AP3B1: variants seen among roughly 807,000 people sequenced by gnomAD.
AP3B1 encodes the protein adaptor related protein complex 3 subunit beta 1.
In AP3B1, 61 loss-of-function variants were observed where a neutral mutation model predicts 132.5. The observed-to-expected ratio is 0.46, with a 90% CI of 0.37 to 0.57. The LOEUF (loss-of-function observed/expected upper bound fraction) is 0.57. Among genes scored for constraint, AP3B1 ranks in the 20% least tolerant of loss-of-function variants. The pLI, the probability that AP3B1 is intolerant of heterozygous loss-of-function variation, is 0.00. For missense variants in AP3B1, 1,120 were observed against 1,289.4 expected, an observed-to-expected ratio of 0.87 and a Z score of 2.01; for synonymous variants, 388 against 438.3, an observed-to-expected ratio of 0.89 and a Z score of 1.43.
At chr5:78,213,802 A>G (rs1279963400) in intron 7 of AP3B1, among the ~76,000 whole-genome samples, 1 of 152,248 alleles carries the variant, frequency 6.6e-6, no homozygotes, top group Non-Finnish European at 1.5e-5. Context: ...TTAAAAAACA[A>G]CAACAACAAT....
At chr5:78,046,716 A>T (rs190295888) in intron 22 of AP3B1, among the ~76,000 whole-genome samples, 10,606 of 143,798 alleles carry the variant, frequency 0.074, 1,036 homozygotes, top group African/African-American at 0.23. Flanking sequence ...TTTTTTTTTT[A>T]AAATACTTTA....
chr5:78,127,396 G>A (rs974856138), intron 17 of AP3B1, among the ~76,000 whole-genome samples: 1 of 151,974 alleles, frequency 6.6e-6, no homozygotes, highest in Admixed American at 6.6e-5. Flanking sequence ...GTATATATGA[G>A]AAAGAAACAG....
intron 1 of AP3B1, among the ~76,000 whole-genome samples, chr5:78,270,834 T>G (rs1748516874): frequency 6.6e-6 from 1 of 152,222 alleles, no homozygotes; most frequent in Non-Finnish European, 1.5e-5. Flanking sequence ...CCATGACCAC[T>G]ACTCTTTCAT....
chr5:78,193,240 A>C (rs1744915108), intron 7 of AP3B1, among the ~76,000 whole-genome samples: 1 of 152,204 alleles, frequency 6.6e-6, no homozygotes, highest in Admixed American at 6.5e-5. Context: ...TGTTAGAGAT[A>C]ATAGCCTAGA....
chr5:78,237,518 T>C (rs1021673204), intron 3 of AP3B1, among the ~76,000 whole-genome samples: 2 of 147,846 alleles, frequency 1.4e-5, no homozygotes, highest in Admixed American at 6.8e-5. Flanking sequence ...TTTTTAAAAG[T>C]AGGTTTAGGC....
At chr5:78,017,839 C>G (rs550578982) in intron 25 of AP3B1, among the ~76,000 whole-genome samples, 2 of 151,970 alleles carry the variant, frequency 1.3e-5, no homozygotes, top group African/African-American at 4.8e-5. Context: ...TAATTTGTGG[C>G]TTTATTAGAA....
At chr5:78,261,114 T>G (rs922768673) in intron 2 of AP3B1, among the ~76,000 whole-genome samples, 3 of 152,232 alleles carry the variant, frequency 2.0e-5, no homozygotes, top group Non-Finnish European at 4.4e-5. Flanking sequence ...TCAACTGTTG[T>G]CTGTATATAC....
rs552018598 is a variant in AP3B1, at chr5:78,273,434, C to T, written c.129-5839G>A. On this transcript the variant is annotated intron_variant, in intron 1 of 26. Transcript: ENST00000255194. ...GAAAAAAAGAGCTCCTCATTCACAC[C>T]AGCTTTTTCCCTCAGTACATTTCCC... is the stretch of plus-strand genomic sequence containing the variant. 2.0e-5 allele frequency among the ~76,000 whole-genome samples: 3 copies of T among 152,170 alleles called. No homozygotes were observed. In the South Asian group the frequency reaches 6.2e-4, roughly 32 times the overall value.
chr5:78,099,275 G>A (rs752501028), intron 21 of AP3B1, among the ~76,000 whole-genome samples: 12 of 152,186 alleles, frequency 7.9e-5, no homozygotes, highest in Non-Finnish European at 1.8e-4. Context: ...CCAGCTCAAA[G>A]GGACTAGGAC....
chr5:78,197,179 G>T (rs1745107551), intron 7 of AP3B1, among the ~76,000 whole-genome samples: 1 of 151,818 alleles, frequency 6.6e-6, no homozygotes, highest in African/African-American at 2.4e-5. Flanking sequence ...AAAAAATAAA[G>T]CTTATTTTTA....
At chr5:78,020,567 G>A (rs1046241075) in intron 25 of AP3B1, 125 bp downstream of exon 25, 1 of 735,544 alleles carries the variant, frequency 1.4e-6, no homozygotes, top group Non-Finnish European at 2.3e-6. Context: ...AACAAAAATT[G>A]GAAGATTGTG....
At chr5:78,093,198 T>G (rs1046682653) in intron 21 of AP3B1, among the ~76,000 whole-genome samples, 3 of 152,204 alleles carry the variant, frequency 2.0e-5, no homozygotes, top group Admixed American at 6.5e-5. Context: ...ACGTAGGTTT[T>G]GTTTTGTTTT....
At chr5:78,113,116 C>G (rs1751667761) in intron 19 of AP3B1, among the ~76,000 whole-genome samples, 1 of 152,226 alleles carries the variant, frequency 6.6e-6, no homozygotes, top group Non-Finnish European at 1.5e-5. Flanking sequence ...GCAAGCTCAT[C>G]AAGTGAGCGG....
intron 5 of AP3B1, among the ~76,000 whole-genome samples, chr5:78,227,047 C>G (rs542856355): frequency 2.0e-5 from 3 of 152,048 alleles, no homozygotes; most frequent in Non-Finnish European, 4.4e-5. Context: ...TCTCAATTTT[C>G]TAATAATACA....
intron 21 of AP3B1, among the ~76,000 whole-genome samples, chr5:78,094,850 T>C (rs986320493): frequency 6.6e-6 from 1 of 152,040 alleles, no homozygotes; most frequent in Admixed American, 6.6e-5. Flanking sequence ...CTGGCTAATT[T>C]TTCTATTTTT....
chr5:78,023,522 C>T (rs1747197955), intron 24 of AP3B1, among the ~76,000 whole-genome samples: 1 of 151,966 alleles, frequency 6.6e-6, no homozygotes, highest in African/African-American at 2.4e-5. Flanking sequence ...AGTCTGGAAG[C>T]AGTAAGAATG....
intron 2 of AP3B1, among the ~76,000 whole-genome samples, chr5:78,258,366 G>A (rs1747936792): frequency 1.3e-5 from 2 of 152,000 alleles, no homozygotes; most frequent in South Asian, 4.2e-4. Flanking sequence ...TGATAAAAAG[G>A]GGGCAAAAGA....
intron 2 of AP3B1, among the ~76,000 whole-genome samples, chr5:78,242,445 C>T (rs1747177000): frequency 1.3e-5 from 2 of 152,100 alleles, no homozygotes; most frequent in Non-Finnish European, 2.9e-5. Context: ...CTCACTCTGT[C>T]GCCCAGCCTG....
At chr5:78,074,185 TC>T (rs1561388638) in intron 22 of AP3B1, among the ~76,000 whole-genome samples, 2 of 152,152 alleles carry the variant, frequency 1.3e-5, no homozygotes, top group Non-Finnish European at 2.9e-5. Flanking sequence ...AAAAAGTAGC[TC>T]CTTTTAGTAA....
Sources: allele counts gnomAD v4.1 joint callset (sites outside exome capture counted in the v4.1 genomes callset), GRCh38; gene constraint gnomAD v4.1.1; transcripts MANE v1.5; gene names NCBI Gene and HGNC (gene_info 2026-07-23, HGNC 2026-07-21).